The following CMKLR2 variants were observed in gnomAD, a reference collection of about 807,000 sequenced individuals.
CMKLR2 encodes the protein chemerin-like receptor 2.
In CMKLR2, 18 loss-of-function variants were observed where a neutral mutation model predicts 23.0. That is an observed-to-expected ratio of 0.78 (90% CI 0.54 to 1.16). CMKLR2 has a LOEUF of 1.16. Ranked by LOEUF, CMKLR2 falls within the 50% of genes most tolerant of loss-of-function variation. The probability of loss-of-function intolerance (pLI) is 0.00; values close to 1 mark genes in which losing one functional copy is unlikely to be tolerated. For synonymous variants in CMKLR2, 158 were observed against 158.9 expected, an observed-to-expected ratio of 0.99 and a Z score of 0.05; for missense variants, 401 against 412.7, an observed-to-expected ratio of 0.97 and a Z score of 0.25.
At chr2:206,202,900 T>G (rs957254279) in intron 1 of CMKLR2, among the ~76,000 whole-genome samples, 1 of 151,936 alleles carries the variant, frequency 6.6e-6, no homozygotes, top group African/African-American at 2.4e-5. Flanking sequence ...CCTTTCCTAT[T>G]GCGGACACCT....
chr2:206,179,115 G>T, intron 1 of CMKLR2, among the ~76,000 whole-genome samples: 1 of 85,106 alleles, frequency 1.2e-5, no homozygotes, highest in Non-Finnish European at 2.3e-5. Context: ...TGCTCTTGTT[G>T]ACCAGGCTGG....
intron 1 of CMKLR2, among the ~76,000 whole-genome samples, chr2:206,184,303 T>C (rs1341871316): frequency 5.0e-4 from 76 of 151,184 alleles, no homozygotes; most frequent in African/African-American, 1.7e-3. Flanking sequence ...TCTCTCTCTT[T>C]TTTTTTTTTT....
chr2:206,210,073 C>T (rs1033019397), intron 1 of CMKLR2, among the ~76,000 whole-genome samples: 6 of 151,700 alleles, frequency 4.0e-5, no homozygotes, highest in Admixed American at 2.6e-4. Context: ...AAGCAATTCT[C>T]GTGCCTCAGC....
At chr2:206,202,715 G>T (rs1272080145) in intron 1 of CMKLR2, among the ~76,000 whole-genome samples, 1 of 152,110 alleles carries the variant, frequency 6.6e-6, no homozygotes, top group Non-Finnish European at 1.5e-5. Flanking sequence ...TGGTGGCAGC[G>T]GCGGGGGGCT....
At position 206,211,925 on chromosome 2, in the gene CMKLR2, A is replaced by C. The variant is rs1191555516; in HGVS notation, c.-29+1382T>G. 4.0e-5 allele frequency among the ~76,000 whole-genome samples: 6 copies of C among 148,894 alleles called. No individual in the cohort carries two copies. The East Asian group carries it at 1.2e-3, about 29-fold the overall frequency. ...TAGCTCACTCAGCAACCTCTGAGTCACATTTACTTGGGAACGCCCATATCT... is the reference window on the plus strand; with the variant it reads ...TAGCTCACTCAGCAACCTCTGAGTCCCATTTACTTGGGAACGCCCATATCT... On this transcript the variant is annotated intron_variant, in intron 1 of 1. Coordinates refer to ENST00000621141, the MANE Select transcript of CMKLR2 (RefSeq NM_001389445.1).
At position 206,175,493 on chromosome 2, in the gene CMKLR2, T is replaced by C. The variant is rs1024484892; in HGVS notation, c.*687A>G. 9 of 149,804 alleles carry C rather than the reference T, an allele frequency of 6.0e-5. No individual in the cohort carries two copies. Among genetic ancestry groups the C allele is most frequent in the African/African-American group, 1.9e-4 (8 of 41,352 alleles). The allele number at this position is 149,804 out of a possible 1,614,324, so 9.3% of individuals were successfully genotyped here. A position where few individuals can be genotyped will look rare whatever the true frequency, so the allele number is the denominator to read the frequency against. ...AATTAGTTAATCATATATTTATTTA[T>C]CTATTTTATTTATTTATTTTTGAGA... On this transcript the variant is annotated 3_prime_UTR_variant, in exon 2 of 2. Coordinates refer to ENST00000621141, the MANE Select transcript of CMKLR2 (RefSeq NM_001389445.1).
intron 1 of CMKLR2, among the ~76,000 whole-genome samples, chr2:206,181,828 T>G (rs1339022116): frequency 2.0e-5 from 3 of 151,730 alleles, no homozygotes; most frequent in Non-Finnish European, 4.4e-5. Context: ...GGTGCATGCC[T>G]GTAATCCCAG....
chr2:206,214,613 A>T (rs904662630), upstream of CMKLR2, among the ~76,000 whole-genome samples: 5 of 150,778 alleles, frequency 3.3e-5, no homozygotes, highest in South Asian at 2.1e-4. Context: ...TTATTTTTTT[A>T]ATTTTATTTT....
rs142556831 is a variant in CMKLR2 at position 206,177,738 on chromosome 2, T to C, written c.-28-463A>G. 7.4e-3 allele frequency among the ~76,000 whole-genome samples: 1,124 copies of C among 152,280 alleles called. 19 individuals carry two copies. Among genetic ancestry groups the C allele is most frequent in the African/African-American group, 0.025 (1,051 of 41,558 alleles). On this transcript the variant is annotated intron_variant, in intron 1 of 1. Transcript: ENST00000621141. ...TGTGGTTATACTCCATATGTTCAAG[T>C]CTTGGTGAGCCTCAGTTTCACTCTG...
At chr2:206,194,221 C>A (rs944041806) in intron 1 of CMKLR2, among the ~76,000 whole-genome samples, 3 of 152,170 alleles carry the variant, frequency 2.0e-5, no homozygotes, top group Non-Finnish European at 4.4e-5. Context: ...TTCAACACAG[C>A]AGCAAAAGGA....
intron 1 of CMKLR2, among the ~76,000 whole-genome samples, chr2:206,211,782 A>G (rs1364213954): frequency 1.3e-5 from 2 of 150,670 alleles, no homozygotes; most frequent in Non-Finnish European, 3.0e-5. Flanking sequence ...GAAAAAGAAA[A>G]AAAGATGGCA....
chr2:206,190,351 G>A lies in CMKLR2; in HGVS notation c.-28-13076C>T, dbSNP rs77531380. Among the ~76,000 whole-genome samples, 1,338 of 152,292 alleles carry A rather than the reference G, an allele frequency of 8.8e-3. 27 individuals carry two copies. The highest frequency in any genetic ancestry group is 0.03 in the African/African-American group (1,256 of 41,558). Reference sequence around the variant, plus strand: ...CATTGCTCCCAAAGCATGTAAAAATGTTTGTAGCAAGGAGTGATGTGACAG... The same window carrying A: ...CATTGCTCCCAAAGCATGTAAAAATATTTGTAGCAAGGAGTGATGTGACAG... On this transcript the variant is annotated intron_variant, in intron 1 of 1. Coordinates refer to ENST00000621141, the MANE Select transcript of CMKLR2 (RefSeq NM_001389445.1).
rs1346056012 is a variant in CMKLR2, at chr2:206,210,018, C to G, written c.-29+3289G>C. ...TCACTCTGTCACCCAGACTGGAGGG[C>G]AGTGGCATAATCTCGGCTCACTGCA... On this transcript the variant is annotated intron_variant, in intron 1 of 1. Coordinates refer to ENST00000621141, the MANE Select transcript of CMKLR2 (RefSeq NM_001389445.1). Among the ~76,000 whole-genome samples, 4 of 150,002 alleles carry G rather than the reference C, an allele frequency of 2.7e-5. No individual in the cohort carries two copies. The East Asian group carries it at 7.8e-4, about 29-fold the overall frequency.
At chr2:206,182,188 TG>T (rs1337549704) in intron 1 of CMKLR2, among the ~76,000 whole-genome samples, 1 of 152,086 alleles carries the variant, frequency 6.6e-6, no homozygotes, top group Non-Finnish European at 1.5e-5. Context: ...AAGGATCAAC[TG>T]TACTATTATT....
intron 1 of CMKLR2, among the ~76,000 whole-genome samples, chr2:206,194,458 CTTTTT>C (rs369564233): frequency 7.8e-6 from 1 of 127,702 alleles, no homozygotes; most frequent in African/African-American, 2.9e-5. Context: ...TCGTTATGGG[CTTTTT>C]TTTTTTTTTT....
intron 1 of CMKLR2, among the ~76,000 whole-genome samples, chr2:206,180,231 T>G (rs1207437945): frequency 3.3e-5 from 5 of 152,072 alleles, no homozygotes; most frequent in Admixed American, 3.3e-4. Flanking sequence ...TTACATACAC[T>G]TGTAATCCCA....
chr2:206,216,352 G>A (rs932926855), upstream of CMKLR2, among the ~76,000 whole-genome samples: 8 of 152,186 alleles, frequency 5.3e-5, no homozygotes, highest in Admixed American at 3.3e-4. Context: ...CTACTTGGGA[G>A]GCTGAGGCAG....
chr2:206,176,740 C>T lies in CMKLR2; in HGVS notation c.508G>A (p.Gly170Ser), dbSNP rs147720275. The change falls in exon 2 of 2, where the codon GGT becomes AGT. Residue 170 changes from glycine to serine, a missense_variant. Transcript: ENST00000621141. ...FIWLLASLIG[G>S]PALYFRDTVE... is the part of the protein sequence containing the mutation. ...GTGTCCCGGAAGTACAGGGCAGGAC[C>T]GCCAATTAGAGAAGCCAAAAGCCAG... The T allele has an allele frequency of 8.1e-5, 131 of 1,614,034 alleles. No individual in the cohort carries two copies. Among genetic ancestry groups the T allele is most frequent in the East Asian group, 5.3e-4 (24 of 44,876 alleles).
chr2:206,177,376 A>G (rs1688267437), intron 1 of CMKLR2, 101 bp from the exon 2 acceptor site: 1 of 627,924 alleles, frequency 1.6e-6, no homozygotes, highest in South Asian at 2.3e-5. Context: ...CAGGTTATGG[A>G]CCAGACATAG....
Sources: allele counts gnomAD v4.1 joint callset (sites outside exome capture counted in the v4.1 genomes callset), GRCh38; gene constraint gnomAD v4.1.1; transcripts MANE v1.5; gene names NCBI Gene and HGNC (gene_info 2026-07-23, HGNC 2026-07-21).